ZGPAT: variants seen among roughly 807,000 people sequenced by gnomAD.
The protein encoded by ZGPAT is zinc finger CCCH-type with G patch domain-containing protein.
Under a neutral mutation model 47.9 loss-of-function variants are expected in ZGPAT, and 39 were observed. The ratio of observed to expected loss-of-function variants is 0.81; its 90% CI spans 0.63 to 1.06. ZGPAT has a LOEUF of 1.06. Among genes scored for constraint, ZGPAT ranks in the 50% least tolerant of loss-of-function variants. The pLI is 0.00. For synonymous variants in ZGPAT, 348 were observed against 292.9 expected (o/e 1.19, Z -1.92); for missense variants, 717 against 681.4 (o/e 1.05, Z -0.58).
intron 2 of ZGPAT, among the ~76,000 whole-genome samples, chr20:63,726,562 G>T (rs1384942743): frequency 6.7e-6 from 1 of 149,304 alleles, no homozygotes; most frequent in Non-Finnish European, 1.5e-5. Context: ...TTGCTCTGTC[G>T]CCCAGGCTGA....
chr20:63,719,132 T>C (rs2091762091), intron 2 of ZGPAT, among the ~76,000 whole-genome samples: 1 of 152,202 alleles, frequency 6.6e-6, no homozygotes, highest in African/African-American at 2.4e-5. Flanking sequence ...AATTGGCTGT[T>C]AATCTTATTG....
rs537142738 is a variant in ZGPAT at position 63,720,862 on chromosome 20, T to C, written c.584+11698T>C. 2.6e-5 allele frequency among the ~76,000 whole-genome samples: 4 copies of C among 152,356 alleles called. No individual in the cohort carries two copies. The South Asian group carries it at 8.3e-4, about 32-fold the overall frequency. Reference sequence around the variant, plus strand: ...ATTTGAAGATGATAATGTGGTTACTTTGAAAATCAGATCCTCCGCCCTCTG... The same window carrying C: ...ATTTGAAGATGATAATGTGGTTACTCTGAAAATCAGATCCTCCGCCCTCTG... On this transcript the variant is annotated intron_variant, in intron 2 of 6. Coordinates refer to ENST00000355969, the MANE Select transcript of ZGPAT (RefSeq NM_181485.3).
At chr20:63,734,263 G>C (rs1601350923) in intron 4 of ZGPAT, 2 of 257,278 alleles carry the variant, frequency 7.8e-6, no homozygotes, top group East Asian at 9.3e-5. Context: ...ATGGCGGGCT[G>C]AGTCCAGGAG....
intron 2 of ZGPAT, among the ~76,000 whole-genome samples, chr20:63,726,115 A>G (rs1339318322): frequency 6.6e-6 from 1 of 152,018 alleles, no homozygotes; most frequent in Non-Finnish European, 1.5e-5. Context: ...CTAGGATTAC[A>G]GTCGTGAGCC....
chr20:63,723,791 C>T (rs553339844), intron 2 of ZGPAT, among the ~76,000 whole-genome samples: 1 of 152,380 alleles, frequency 6.6e-6, no homozygotes, highest in Non-Finnish European at 1.5e-5. Context: ...AAGAAGTTGC[C>T]TGGAGGCAGT....
At chr20:63,713,094 CAG>C (rs2091687365) in intron 2 of ZGPAT, among the ~76,000 whole-genome samples, 2 of 150,224 alleles carry the variant, frequency 1.3e-5, no homozygotes, top group Admixed American at 6.6e-5. Flanking sequence ...TTTTTTGAGA[CAG>C]AGTCTTGCTC....
At position 63,709,079 on chromosome 20, in the gene ZGPAT, G is replaced by T; in HGVS notation, c.499G>T (p.Val167Leu). 1 of 1,613,308 alleles carries T rather than the reference G, an allele frequency of 6.2e-7. No individual in the cohort carries two copies. The highest frequency in any genetic ancestry group is 8.5e-7 in the Non-Finnish European group (1 of 1,180,028). Reference sequence around the variant, plus strand: ...GGAGGATGGCTCGGCGGGTGTCCGTGTGCTTTACCTGTACCCCACTCACAA... The same window carrying T: ...GGAGGATGGCTCGGCGGGTGTCCGTTTGCTTTACCTGTACCCCACTCACAA... Reference protein sequence around the residue: ...EAEDGSAGVRVLYLYPTHKSL... With the variant: ...EAEDGSAGVRLLYLYPTHKSL... Residue 167 changes from valine to leucine, a missense_variant, in exon 2 of 7, where the codon GTG becomes TTG. Val to Leu is a conservative substitution (Grantham distance 32). Transcript: ENST00000355969.
chr20:63,731,425 G>T (rs2091900647), intron 2 of ZGPAT, among the ~76,000 whole-genome samples: 1 of 150,392 alleles, frequency 6.6e-6, no homozygotes, highest in African/African-American at 2.5e-5. Context: ...GTGTGCATGT[G>T]CATACGTGTG....
chr20:63,727,190 T>A (rs2091853586), intron 2 of ZGPAT, among the ~76,000 whole-genome samples: 2 of 152,078 alleles, frequency 1.3e-5, no homozygotes, highest in Non-Finnish European at 1.5e-5. Context: ...AAATGTCCTT[T>A]CAGTGATTGT....
chr20:63,733,417 T>C, intron 3 of ZGPAT, 65 bp downstream of exon 3: 11 of 1,600,000 alleles, frequency 6.9e-6, no homozygotes, highest in African/African-American at 1.3e-5. Flanking sequence ...TGTCACTGTG[T>C]GGCTGCTCCC....
At chr20:63,728,576 G>A (rs2091866844) in intron 2 of ZGPAT, among the ~76,000 whole-genome samples, 1 of 152,204 alleles carries the variant, frequency 6.6e-6, no homozygotes, top group Admixed American at 6.5e-5. Context: ...TCAAGAGCCA[G>A]GCCCTTCCTG....
intron 2 of ZGPAT, among the ~76,000 whole-genome samples, chr20:63,714,289 G>A (rs1455645148): frequency 6.6e-6 from 1 of 151,912 alleles, no homozygotes; most frequent in Non-Finnish European, 1.5e-5. Context: ...AGCTGGGTGA[G>A]GTGATGTGCA....
chr20:63,725,037 T>C (rs1445439116), intron 2 of ZGPAT, among the ~76,000 whole-genome samples: 3 of 148,484 alleles, frequency 2.0e-5, no homozygotes, highest in Non-Finnish European at 4.4e-5. Context: ...CAGGCTGGAG[T>C]GCAGTGGCAC....
intron 2 of ZGPAT, chr20:63,730,018 G>GCATACACACA (rs112508718): frequency 1.4e-5 from 2 of 146,962 alleles, no homozygotes; most frequent in African/African-American, 5.1e-5. Context: ...AGACTCTACT[G>GCATACACACA]CGCACACACA....
Position 63,708,743 on chromosome 20 carries a change from G to A in ZGPAT, c.163G>A (p.Val55Met), listed in dbSNP as rs569465757. The A allele has an allele frequency of 2.5e-6, 4 of 1,612,640 alleles. No homozygotes were observed. In the South Asian group the frequency reaches 3.3e-5, roughly 13 times the overall value. The change falls in exon 2 of 7, where the codon GTG (valine) becomes ATG (methionine). Residue 55 changes from valine to methionine, a missense_variant. By Grantham distance (21) the Val-to-Met change is conservative. Coordinates refer to ENST00000355969, the MANE Select transcript of ZGPAT (RefSeq NM_181485.3). ...ELIELTEASL[V>M]SVRKSSLLAA... The stretch of plus-strand genomic sequence containing the variant: ...CATCGAGCTCACCGAGGCCAGCCTG[G>A]TGTCTGTCAGGAAGAGCAGCTTGTT...
In ZGPAT at chr20:63,735,825, C is replaced by T. The variant is rs1356299990; in HGVS notation, c.1442C>T (p.Ala481Val). The change falls in exon 7 of 7, where the codon GCC becomes GTC. Residue 481 changes from alanine (A) to valine (V), a missense_variant. Transcript: ENST00000355969. ...CAGCTGCAGGAGAAGCTGGCAGGAGCCCAGCGCCAGCTGGGGCAGCTCCGG... is the reference window on the plus strand; with the variant it reads ...CAGCTGCAGGAGAAGCTGGCAGGAGTCCAGCGCCAGCTGGGGCAGCTCCGG... Reference protein sequence around the residue: ...SAQLQEKLAGAQRQLGQLRAQ... With the variant: ...SAQLQEKLAGVQRQLGQLRAQ... The T allele has an allele frequency of 1.2e-6, 2 of 1,611,736 alleles. No homozygotes were observed. The highest frequency in any genetic ancestry group is 3.3e-5 in the Admixed American group (2 of 59,860).
intron 2 of ZGPAT, among the ~76,000 whole-genome samples, chr20:63,715,684 A>T (rs554112896): frequency 3.9e-4 from 60 of 152,278 alleles, no homozygotes; most frequent in Admixed American, 2.1e-3. Context: ...ATGTCTTTGT[A>T]TAGCTTTGAT....
chr20:63,717,286 C>G (rs2091738772), intron 2 of ZGPAT, among the ~76,000 whole-genome samples: 1 of 147,418 alleles, frequency 6.8e-6, no homozygotes, highest in Admixed American at 6.8e-5. Context: ...CCTAATTTTT[C>G]AAGGTATACA....
At chr20:63,709,247 T>G (rs373890867) in intron 2 of ZGPAT, 83 bp downstream of exon 2, 41 of 1,504,322 alleles carry the variant, frequency 2.7e-5, no homozygotes, top group African/African-American at 9.6e-5. Flanking sequence ...GCCCTCCCTT[T>G]GCTTTGCAGT....
Sources: gnomAD v4.1 joint callset for allele counts (sites outside exome capture counted in the v4.1 genomes callset) on GRCh38, gnomAD v4.1.1 for gene constraint, MANE v1.5 for transcripts, NCBI Gene and HGNC (gene_info 2026-07-23, HGNC 2026-07-21) for gene names.